Variants in RBFOX1 observed in about 807,000 individuals in gnomAD.
RBFOX1 encodes RNA binding protein fox-1 homolog 1.
RBFOX1 carries 8 observed loss-of-function variants against 57.7 expected under a neutral mutation model. The ratio of observed to expected loss-of-function variants is 0.14; its 90% confidence interval spans 0.08 to 0.25. RBFOX1 has a LOEUF of 0.25. Among genes scored for constraint, RBFOX1 ranks in the 10% least tolerant of loss-of-function variants. The probability of loss-of-function intolerance (pLI) is 1.00; values close to 1 mark genes in which losing one functional copy is unlikely to be tolerated. For missense variants in RBFOX1, 611 were observed against 548.5 expected (o/e 1.11, Z -1.14); for synonymous variants, 326 against 222.4 (o/e 1.47, Z -4.15).
intron 4 of RBFOX1, among the ~76,000 whole-genome samples, chr16:7,166,167 G>A (rs1291226240): frequency 1.3e-5 from 2 of 151,946 alleles, no homozygotes; most frequent in South Asian, 2.1e-4. Flanking sequence ...GTGCATGCCA[G>A]CACACCCAGC....
chr16:7,418,881 GT>G (rs56322019), intron 4 of RBFOX1, among the ~76,000 whole-genome samples: 98,481 of 151,488 alleles, frequency 0.65, 32,432 homozygotes, highest in East Asian at 0.88. Flanking sequence ...AAGAGTCGAG[GT>G]TTTTTTTTGT....
intron 3 of RBFOX1, among the ~76,000 whole-genome samples, chr16:6,805,511 T>C (rs1486751358): frequency 6.6e-6 from 1 of 152,170 alleles, no homozygotes; most frequent in Non-Finnish European, 1.5e-5. Context: ...GTAATGAACC[T>C]GTACATGTAC....
chr16:6,608,948 C>T (rs1044305737), intron 2 of RBFOX1, among the ~76,000 whole-genome samples: 1 of 152,120 alleles, frequency 6.6e-6, no homozygotes, highest in Admixed American at 6.6e-5. Flanking sequence ...TCCCTTGGGT[C>T]ACAGCCTTTT....
At chr16:6,326,140 A>G (rs1567942008) in intron 2 of RBFOX1, among the ~76,000 whole-genome samples, 1 of 152,230 alleles carries the variant, frequency 6.6e-6, no homozygotes, top group Admixed American at 6.5e-5. Flanking sequence ...GGTACATTCT[A>G]GCTCAAGTTG....
intron 2 of RBFOX1, among the ~76,000 whole-genome samples, chr16:6,565,402 C>T (rs534301542): frequency 4.2e-4 from 64 of 151,382 alleles, no homozygotes; most frequent in Middle Eastern, 3.4e-3. Flanking sequence ...GAACTACAGG[C>T]GCCCGCCACC....
intron 3 of RBFOX1, among the ~76,000 whole-genome samples, chr16:7,023,109 G>A (rs1311306955): frequency 6.6e-6 from 1 of 152,162 alleles, no homozygotes; most frequent in South Asian, 2.1e-4. Context: ...ACTGAGGTAG[G>A]AGAGAGCTGA....
intron 4 of RBFOX1, among the ~76,000 whole-genome samples, chr16:5,968,340 G>T (rs376747085): frequency 6.6e-6 from 1 of 152,142 alleles, no homozygotes; most frequent in Non-Finnish European, 1.5e-5. Context: ...CTCCCCAAGT[G>T]CTGGGATTAC....
chr16:5,992,970 G>A (rs986730365), intron 4 of RBFOX1, among the ~76,000 whole-genome samples: 3 of 152,140 alleles, frequency 2.0e-5, no homozygotes, highest in Admixed American at 6.5e-5. Flanking sequence ...CATGACAGTG[G>A]CAGACATCTG....
intron 2 of RBFOX1, among the ~76,000 whole-genome samples, chr16:6,637,171 ATATAT>A (rs1296165858): frequency 1.9e-4 from 12 of 64,118 alleles, no homozygotes; most frequent in Non-Finnish European, 3.0e-4. Flanking sequence ...TATATATTAT[ATATAT>A]TATATAATAT....
intron 5 of RBFOX1, among the ~76,000 whole-genome samples, chr16:7,546,211 C>G (rs2084476713): frequency 6.6e-6 from 1 of 151,934 alleles, no homozygotes; most frequent in South Asian, 2.1e-4. Context: ...CCAGTAATCC[C>G]AGGTACTTAG....
chr16:6,859,620 T>C (rs915599278), intron 3 of RBFOX1, among the ~76,000 whole-genome samples: 2 of 152,158 alleles, frequency 1.3e-5, no homozygotes, highest in Non-Finnish European at 2.9e-5. Context: ...GCCGCCTCTC[T>C]GTGTCGATAA....
chr16:6,399,449 C>G (rs9928706), intron 2 of RBFOX1, among the ~76,000 whole-genome samples: 13,329 of 152,184 alleles, frequency 0.088, 1,389 homozygotes, highest in African/African-American at 0.25. Context: ...AGACTCTCTG[C>G]TAAAACACAG....
chr16:6,640,987 A>G (rs1024059915), intron 2 of RBFOX1, among the ~76,000 whole-genome samples: 1 of 152,172 alleles, frequency 6.6e-6, no homozygotes, highest in Non-Finnish European at 1.5e-5. Flanking sequence ...TCTTTTTAGA[A>G]GGAACCTAAT....
At chr16:5,774,972 T>G (rs1302649370) in intron 3 of RBFOX1, among the ~76,000 whole-genome samples, 1 of 152,160 alleles carries the variant, frequency 6.6e-6, no homozygotes, top group Non-Finnish European at 1.5e-5. Context: ...AATGAGACAT[T>G]GCACCCAGCT....
rs57363269 is a variant in RBFOX1, at chr16:5,630,787, GA to G, written c.318+31832del. Among the ~76,000 whole-genome samples the G allele has an allele frequency of 6.0e-3, 907 of 152,212 alleles. 10 individuals are homozygous for G. The highest frequency in any genetic ancestry group is 0.02 in the African/African-American group (813 of 41,558). On this transcript the variant is annotated intron_variant, in intron 3 of 19. Coordinates refer to the RBFOX1 transcript ENST00000641259. ...CTCTCGCCTTGGACTTCAATTGTTG[GA>G]AAAAAGGCAATGAGGGAGATAGAGT...
intron 1 of RBFOX1, among the ~76,000 whole-genome samples, chr16:6,153,035 T>G (rs942381168): frequency 3.1e-4 from 38 of 120,880 alleles, no homozygotes; most frequent in Non-Finnish European, 4.1e-4. Context: ...TATTTTCTGT[T>G]TTTTTTTTTT....
chr16:7,640,840 G>C (rs2062661560), intron 11 of RBFOX1, among the ~76,000 whole-genome samples: 5 of 151,456 alleles, frequency 3.3e-5, no homozygotes, highest in Admixed American at 3.3e-4. Context: ...CTTATTTTGA[G>C]AGTTTATTTT....
intron 3 of RBFOX1, among the ~76,000 whole-genome samples, chr16:6,788,081 G>T (rs998375222): frequency 2.0e-5 from 3 of 152,112 alleles, no homozygotes; most frequent in African/African-American, 7.2e-5. Context: ...AATTTGGCAG[G>T]TGTGGTGGCG....
At chr16:6,140,187 CTT>C (rs5815288) in intron 1 of RBFOX1, among the ~76,000 whole-genome samples, 4,460 of 137,234 alleles carry the variant, frequency 0.032, 226 homozygotes, top group African/African-American at 0.11. Context: ...CTGGAAATGA[CTT>C]TTTTTTTTTT....
Sources: gnomAD v4.1 joint callset for allele counts (sites outside exome capture counted in the v4.1 genomes callset) on GRCh38, gnomAD v4.1.1 for gene constraint, MANE v1.5 for transcripts, NCBI Gene and HGNC (gene_info 2026-07-23, HGNC 2026-07-21) for gene names.